The following TMEM45A variants were observed in gnomAD, a reference collection of about 807,000 sequenced individuals.
TMEM45A encodes the protein DNA polymerase-transactivated protein 4.
Under a neutral mutation model 32.0 loss-of-function variants are expected in TMEM45A, and 25 were observed. The observed-to-expected ratio is 0.78, with a 90% CI of 0.57 to 1.09. TMEM45A has a LOEUF of 1.09. Among genes scored for constraint, TMEM45A ranks in the 50% least tolerant of loss-of-function variants. TMEM45A has a pLI of 0.00. For synonymous variants in TMEM45A, 122 were observed against 114.8 expected (o/e 1.06, Z -0.40); for missense variants, 302 against 325.0 (o/e 0.93, Z 0.54).
chr3:100,568,940 T>C lies in TMEM45A; in HGVS notation c.707T>C (p.Val236Ala). 1.2e-6 allele frequency: 2 copies of C among 1,613,598 alleles called. No homozygotes were observed. The highest frequency in any genetic ancestry group is 1.7e-6 in the Non-Finnish European group (2 of 1,179,700). ...CWHYAVTIVIVGMNYAFITWL... is the reference protein window; with the variant it reads ...CWHYAVTIVIAGMNYAFITWL... ...CATTATGCAGTAACCATTGTCATCG[T>C]TGGAATGAATTATGCTTTCATTACC... The change falls in exon 5 of 6, where the codon GTT (valine) becomes GCT (alanine). Residue 236 changes from valine (V) to alanine (A), a missense_variant. Coordinates refer to ENST00000323523, the MANE Select transcript of TMEM45A (RefSeq NM_018004.3).
At chr3:100,514,122 C>G (rs1254702750) in intron 1 of TMEM45A, among the ~76,000 whole-genome samples, 4 of 152,174 alleles carry the variant, frequency 2.6e-5, no homozygotes, top group East Asian at 1.9e-4. Flanking sequence ...ATTGAAAAAA[C>G]TACTTTAAAG....
intron 5 of TMEM45A, chr3:100,571,777 G>A (rs1442021788): frequency 6.6e-6 from 1 of 152,076 alleles, no homozygotes; most frequent in Non-Finnish European, 1.5e-5. Flanking sequence ...AGTCCCCGGT[G>A]TGTGATGTTC....
intron 1 of TMEM45A, among the ~76,000 whole-genome samples, chr3:100,528,931 T>C (rs375697400): frequency 9.9e-5 from 15 of 152,168 alleles, no homozygotes; most frequent in African/African-American, 2.7e-4. Context: ...TGTAAAAAAA[T>C]GACTTTCATA....
At chr3:100,510,003 G>A (rs1335774076) in intron 1 of TMEM45A, among the ~76,000 whole-genome samples, 1 of 152,184 alleles carries the variant, frequency 6.6e-6, no homozygotes, top group African/African-American at 2.4e-5. Flanking sequence ...TAGCACAGCA[G>A]TCTGAGATCA....
At chr3:100,567,158 A>G (rs1706458186) in intron 4 of TMEM45A, among the ~76,000 whole-genome samples, 1 of 151,850 alleles carries the variant, frequency 6.6e-6, no homozygotes, top group African/African-American at 2.4e-5. Flanking sequence ...CATTTTATAT[A>G]TATATAATTT....
Position 100,496,213 on chromosome 3 carries a change from C to T in TMEM45A, c.-4+3285C>T, listed in dbSNP as rs138875831. On this transcript the variant is annotated intron_variant, in intron 1 of 5. Transcript: ENST00000323523. ...CTCTCAGATAATCATTTATTCTTCT[C>T]CCCGGATCCCTGGAACAGTCCATTA... Among the ~76,000 whole-genome samples, 598 of 152,294 alleles carry T rather than the reference C, an allele frequency of 3.9e-3. 2 individuals are homozygous for T. The highest frequency in any genetic ancestry group is 6.1e-3 in the Non-Finnish European group (415 of 68,024).
chr3:100,526,476 A>G (rs556189043), intron 1 of TMEM45A, among the ~76,000 whole-genome samples: 1 of 152,198 alleles, frequency 6.6e-6, no homozygotes, highest in East Asian at 1.9e-4. Context: ...GCATCCATCA[A>G]ACTAGCTTCA....
At chr3:100,500,396 GGT>G (rs1707992466) in intron 1 of TMEM45A, among the ~76,000 whole-genome samples, 2 of 151,528 alleles carry the variant, frequency 1.3e-5, no homozygotes, top group African/African-American at 4.9e-5. Context: ...ACGTAACAGT[GGT>G]ATTGGGTTAC....
At chr3:100,516,151 A>G (rs1313759350) in intron 1 of TMEM45A, among the ~76,000 whole-genome samples, 1 of 152,174 alleles carries the variant, frequency 6.6e-6, no homozygotes, top group Non-Finnish European at 1.5e-5. Flanking sequence ...AATGTTAAAA[A>G]GAGAGAGCAT....
chr3:100,563,874 T>C (rs1706378394), intron 4 of TMEM45A, among the ~76,000 whole-genome samples: 1 of 152,170 alleles, frequency 6.6e-6, no homozygotes, highest in African/African-American at 2.4e-5. Context: ...GGGTGGCATT[T>C]TCCACCTGCA....
At chr3:100,536,961 G>T (rs1258970912) in intron 1 of TMEM45A, among the ~76,000 whole-genome samples, 1 of 152,122 alleles carries the variant, frequency 6.6e-6, no homozygotes, top group Non-Finnish European at 1.5e-5. Flanking sequence ...TGCTGTTGTC[G>T]CCCAGGCCGG....
At chr3:100,494,833 T>A (rs1408797499) in intron 1 of TMEM45A, among the ~76,000 whole-genome samples, 1 of 152,182 alleles carries the variant, frequency 6.6e-6, no homozygotes, top group Non-Finnish European at 1.5e-5. Context: ...AGCCCCCCTG[T>A]GCCTCAGCTT....
At chr3:100,570,926 GT>G (rs1307726101) in intron 5 of TMEM45A, 1 of 151,402 alleles carries the variant, frequency 6.6e-6, no homozygotes, top group East Asian at 1.9e-4. Context: ...GAAAACTTCT[GT>G]GGTGACTCTA....
chr3:100,558,141 A>G (rs1190553087), intron 3 of TMEM45A, among the ~76,000 whole-genome samples: 1 of 152,244 alleles, frequency 6.6e-6, no homozygotes, highest in Non-Finnish European at 1.5e-5. Flanking sequence ...TGAGATAATG[A>G]GAATCCATTC....
intron 1 of TMEM45A, among the ~76,000 whole-genome samples, chr3:100,538,645 T>C (rs1204508026): frequency 1.3e-5 from 2 of 152,218 alleles, no homozygotes; most frequent in African/African-American, 4.8e-5. Flanking sequence ...ATGGCATAAT[T>C]GTTCATGTAG....
chr3:100,492,865 C>T lies in TMEM45A; in HGVS notation c.-67C>T, dbSNP rs1033323750. ...GAAACAGCAACAACAAAAGCCCAGC[C>T]GCTGTCTGATTTTAAGCTGGCAAAG... On this transcript the variant is annotated 5_prime_UTR_variant, in exon 1 of 6. Transcript: ENST00000323523. 1.3e-5 allele frequency: 2 copies of T among 151,384 alleles called. No homozygotes were observed. The highest frequency in any genetic ancestry group is 1.9e-4 in the East Asian group (1 of 5,178). The allele number at this position is 151,384 out of a possible 1,614,324, so 9.4% of individuals were successfully genotyped here. A position where few individuals can be genotyped will look rare whatever the true frequency, so the allele number is the denominator to read the frequency against.
At chr3:100,522,050 A>G (rs1705446188) in intron 1 of TMEM45A, among the ~76,000 whole-genome samples, 1 of 152,150 alleles carries the variant, frequency 6.6e-6, no homozygotes, top group Non-Finnish European at 1.5e-5. Context: ...GTTCCAATCT[A>G]TACTTGAAAA....
intron 1 of TMEM45A, among the ~76,000 whole-genome samples, chr3:100,541,041 C>T (rs557557929): frequency 6.6e-6 from 1 of 152,244 alleles, no homozygotes; most frequent in African/African-American, 2.4e-5. Flanking sequence ...GATGGTATCT[C>T]ATTATGGTTT....
chr3:100,509,980 T>G (rs1708132983), intron 1 of TMEM45A, among the ~76,000 whole-genome samples: 1 of 151,780 alleles, frequency 6.6e-6, no homozygotes, highest in Non-Finnish European at 1.5e-5. Flanking sequence ...GCCCACGGAG[T>G]CTTGCTGATT....
Sources: allele counts gnomAD v4.1 joint callset (sites outside exome capture counted in the v4.1 genomes callset), GRCh38; gene constraint gnomAD v4.1.1; transcripts MANE v1.5; gene names NCBI Gene and HGNC (gene_info 2026-07-23, HGNC 2026-07-21).